EPHB1: variants seen among roughly 807,000 people sequenced by gnomAD.
EPHB1 encodes the protein ephrin type-B receptor 1.
A neutral mutation model predicts 94.4 loss-of-function variants in EPHB1; 30 were observed. The observed-to-expected ratio is 0.32, with a 90% CI of 0.24 to 0.43. The LOEUF is 0.43. Among genes scored for constraint, EPHB1 ranks in the 20% least tolerant of loss-of-function variants. EPHB1 has a pLI of 1.00. For synonymous variants in EPHB1, 522 were observed against 489.1 expected (o/e 1.07, Z -0.89); for missense variants, 1,055 against 1,308.3 (o/e 0.81, Z 2.99).
chr3:135,233,666 A>T (rs1249115651), intron 12 of EPHB1, among the ~76,000 whole-genome samples: 3 of 152,172 alleles, frequency 2.0e-5, no homozygotes, highest in Non-Finnish European at 4.4e-5. Flanking sequence ...TTTCCCTTCC[A>T]CACTGCCCTA....
At chr3:135,126,286 C>A (rs2107684842) in intron 4 of EPHB1, among the ~76,000 whole-genome samples, 1 of 152,330 alleles carries the variant, frequency 6.6e-6, no homozygotes, top group Non-Finnish European at 1.5e-5. Context: ...GCTTTCCTGA[C>A]TGATAATACC....
At chr3:135,054,407 C>T (rs1937287968) in intron 3 of EPHB1, among the ~76,000 whole-genome samples, 1 of 151,988 alleles carries the variant, frequency 6.6e-6, no homozygotes, top group South Asian at 2.1e-4. Flanking sequence ...CTGTATTTTT[C>T]AGGAGATATA....
chr3:135,151,120 T>C (rs1451991733), intron 5 of EPHB1, among the ~76,000 whole-genome samples: 1 of 152,242 alleles, frequency 6.6e-6, no homozygotes, highest in African/African-American at 2.4e-5. Context: ...ACTACAGCAG[T>C]GCTGTGATTG....
At position 135,201,526 on chromosome 3, in the gene EPHB1, T is replaced by C. The variant is rs755389389; in HGVS notation, c.2183T>C (p.Ile728Thr). 1 of 1,613,996 alleles carries C rather than the reference T, an allele frequency of 6.2e-7. No homozygotes were observed. Among genetic ancestry groups the C allele is most frequent in the South Asian group, 1.1e-5 (1 of 91,066 alleles). ...CAGCTTGTGGGTATGCTCAGGGGCATCGCTGCTGGCATGAAGTACCTGGCT... is the reference window on the plus strand; with the variant it reads ...CAGCTTGTGGGTATGCTCAGGGGCACCGCTGCTGGCATGAAGTACCTGGCT... Reference protein sequence around the residue: ...VIQLVGMLRGIAAGMKYLAEM... With the variant: ...VIQLVGMLRGTAAGMKYLAEM... Residue 728 changes from isoleucine (I) to threonine (T), a missense_variant, in exon 12 of 16, where the codon ATC (isoleucine) becomes ACC (threonine). Physicochemically the swap from Ile to Thr is moderately conservative, Grantham distance 89. Transcript: ENST00000398015.
chr3:135,024,307 A>G (rs1309550100), intron 3 of EPHB1, among the ~76,000 whole-genome samples: 2 of 152,192 alleles, frequency 1.3e-5, no homozygotes, highest in African/African-American at 4.8e-5. Flanking sequence ...TCCTTTCCAT[A>G]TTGTTTATTT....
intron 12 of EPHB1, among the ~76,000 whole-genome samples, chr3:135,217,264 C>T (rs1049251166): frequency 1.3e-5 from 2 of 151,972 alleles, no homozygotes; most frequent in African/African-American, 2.4e-5. Flanking sequence ...TAGGCATCAC[C>T]GTGTCCACAC....
chr3:134,927,859 A>T (rs762643614), intron 2 of EPHB1, among the ~76,000 whole-genome samples: 18 of 152,172 alleles, frequency 1.2e-4, no homozygotes, highest in Admixed American at 6.5e-4. Context: ...TGGTGCCTGG[A>T]GTAGCTTCTG....
chr3:135,187,189 CCAAT>C (rs1419345072), intron 10 of EPHB1, among the ~76,000 whole-genome samples: 3 of 152,130 alleles, frequency 2.0e-5, no homozygotes, highest in African/African-American at 7.2e-5. Context: ...AAGATGTGTG[CCAAT>C]CAAAGTCCAG....
chr3:135,161,968 G>T (rs1173000311), intron 6 of EPHB1, 50 bp from the exon 7 acceptor site: 1 of 1,561,796 alleles, frequency 6.4e-7, no homozygotes, highest in Non-Finnish European at 8.7e-7. Context: ...TGGGCTGGGG[G>T]TGTAGCCTTC....
intron 12 of EPHB1, among the ~76,000 whole-genome samples, chr3:135,226,814 A>G (rs1156669187): frequency 6.6e-6 from 1 of 151,836 alleles, no homozygotes; most frequent in East Asian, 1.9e-4. Flanking sequence ...CCGATCCATC[A>G]TTTTCTTAAC....
At chr3:135,199,871 T>C (rs1349459967) in intron 11 of EPHB1, among the ~76,000 whole-genome samples, 3 of 152,232 alleles carry the variant, frequency 2.0e-5, no homozygotes, top group Non-Finnish European at 4.4e-5. Flanking sequence ...TAGAAAATGC[T>C]TTTGCAGGAG....
intron 1 of EPHB1, among the ~76,000 whole-genome samples, chr3:134,873,305 A>G (rs2037541909): frequency 6.6e-6 from 1 of 152,120 alleles, no homozygotes; most frequent in African/African-American, 2.4e-5. Flanking sequence ...TCTGAGTGCT[A>G]TTAAGGATTT....
At chr3:134,846,223 C>G (rs1049078996) in intron 1 of EPHB1, among the ~76,000 whole-genome samples, 1 of 152,160 alleles carries the variant, frequency 6.6e-6, no homozygotes. Flanking sequence ...AAGCCAGCAG[C>G]AATTTTTCTT....
At chr3:134,908,390 A>G (rs1290046592) in intron 1 of EPHB1, among the ~76,000 whole-genome samples, 2 of 152,214 alleles carry the variant, frequency 1.3e-5, no homozygotes, top group African/African-American at 2.4e-5. Flanking sequence ...CCAGACCTCC[A>G]GCCATGCTTC....
chr3:135,196,926 A>T (rs2107711517), intron 11 of EPHB1, among the ~76,000 whole-genome samples: 1 of 152,236 alleles, frequency 6.6e-6, no homozygotes, highest in Middle Eastern at 3.4e-3. Flanking sequence ...TGATACTCAA[A>T]TTCAAGGGAT....
chr3:135,209,423 G>C (rs1174662240), intron 12 of EPHB1, among the ~76,000 whole-genome samples: 1 of 152,150 alleles, frequency 6.6e-6, no homozygotes, highest in African/African-American at 2.4e-5. Context: ...TAATAGGACA[G>C]GTAAATATTC....
intron 1 of EPHB1, among the ~76,000 whole-genome samples, chr3:134,827,287 A>G (rs1272727056): frequency 6.6e-6 from 1 of 152,200 alleles, no homozygotes; most frequent in Non-Finnish European, 1.5e-5. Context: ...CTTCTCTATA[A>G]TCTAAGCTTC....
At chr3:134,884,281 A>T (rs2037818401) in intron 1 of EPHB1, among the ~76,000 whole-genome samples, 1 of 152,198 alleles carries the variant, frequency 6.6e-6, no homozygotes, top group African/African-American at 2.4e-5. Context: ...AGAGGCCGGG[A>T]ATTTGAATGC....
At chr3:135,026,992 C>T (rs1464880684) in intron 3 of EPHB1, among the ~76,000 whole-genome samples, 1 of 112,448 alleles carries the variant, frequency 8.9e-6, no homozygotes, top group African/African-American at 3.5e-5. Flanking sequence ...AATGGGAGTT[C>T]ACTCATGATT....
Sources: allele counts gnomAD v4.1 joint callset (sites outside exome capture counted in the v4.1 genomes callset), GRCh38; gene constraint gnomAD v4.1.1; transcripts MANE v1.5; gene names NCBI Gene and HGNC (gene_info 2026-07-23, HGNC 2026-07-21).